NTSR1: variants seen among roughly 807,000 people sequenced by gnomAD.
NTSR1 encodes the protein neurotensin receptor 1.
A neutral mutation model predicts 31.2 loss-of-function variants in NTSR1; 29 were observed. The observed-to-expected ratio is 0.93, with a 90% CI of 0.69 to 1.27. NTSR1 has a LOEUF of 1.27. Among genes scored for constraint, NTSR1 ranks in the 50% most tolerant of loss-of-function variants. The pLI is 0.00. For missense variants in NTSR1, 697 were observed against 595.4 expected, an observed-to-expected ratio of 1.17 and a Z score of -1.78; for synonymous variants, 282 against 269.9, an observed-to-expected ratio of 1.04 and a Z score of -0.44.
chr20:62,756,298 C>T (rs973843942), intron 2 of NTSR1, among the ~76,000 whole-genome samples: 4 of 152,184 alleles, frequency 2.6e-5, no homozygotes, highest in African/African-American at 9.7e-5. Flanking sequence ...GAGCTGCAGG[C>T]GAGGGGATGG....
intron 1 of NTSR1, among the ~76,000 whole-genome samples, chr20:62,724,238 A>G (rs6062463): frequency 0.91 from 138,387 of 151,964 alleles, 63,208 homozygotes; most frequent in East Asian, 1. Context: ...AGCTCTCAGC[A>G]GAGCCCTGGG....
intron 1 of NTSR1, among the ~76,000 whole-genome samples, chr20:62,729,376 C>T (rs533761341): frequency 1.1e-4 from 16 of 152,298 alleles, no homozygotes; most frequent in African/African-American, 3.8e-4. Context: ...GAATTTCTTT[C>T]GTGCATGGAG....
At chr20:62,735,890 C>G (rs1989082857) in intron 1 of NTSR1, among the ~76,000 whole-genome samples, 1 of 152,240 alleles carries the variant, frequency 6.6e-6, no homozygotes, top group African/African-American at 2.4e-5. Context: ...AAGAACAGTT[C>G]CCCTTACCCT....
At chr20:62,753,576 C>T (rs184382291) in intron 1 of NTSR1, among the ~76,000 whole-genome samples, 2 of 152,326 alleles carry the variant, frequency 1.3e-5, no homozygotes, top group East Asian at 1.9e-4. Context: ...ATGAGGATCC[C>T]GGGCAGCTTG....
intron 1 of NTSR1, among the ~76,000 whole-genome samples, chr20:62,753,422 G>A (rs570439704): frequency 1.8e-4 from 27 of 152,306 alleles, no homozygotes; most frequent in African/African-American, 6.0e-4. Flanking sequence ...AGGTTGGGAG[G>A]GAGGTGGCCC....
At chr20:62,755,292 C>T (rs1194666027) in intron 2 of NTSR1, among the ~76,000 whole-genome samples, 3 of 124,654 alleles carry the variant, frequency 2.4e-5, no homozygotes, top group Non-Finnish European at 5.3e-5. Context: ...TCCTTCCCTC[C>T]ATTCATTCCT....
rs532366999 is a variant in NTSR1, at chr20:62,715,322, G to A, written c.714+5401G>A. Among the ~76,000 whole-genome samples, 9 of 152,226 alleles carry A rather than the reference G, an allele frequency of 5.9e-5. No homozygotes were observed. Among genetic ancestry groups the A allele is most frequent in the East Asian group, 1.9e-4 (1 of 5,178 alleles). Reference sequence around the variant, plus strand: ...GCAGGGTGAGGACGTGCAGACATGCGGGTCCACCTCTGTACCCCGTAACCC... The same window carrying A: ...GCAGGGTGAGGACGTGCAGACATGCAGGTCCACCTCTGTACCCCGTAACCC... On this transcript the variant is annotated intron_variant, in intron 1 of 3. Coordinates refer to ENST00000370501, the MANE Select transcript of NTSR1 (RefSeq NM_002531.3). This position sits in a 1 kb window ranked among gnomAD's most constrained non-coding sequence, Gnocchi z 4.7.
Position 62,754,827 on chromosome 20 carries a change from T to G in NTSR1, c.857T>G (p.Phe286Cys), listed in dbSNP as rs1989455110. The G allele has an allele frequency of 1.2e-6, 2 of 1,609,004 alleles. No individual in the cohort carries two copies. The highest frequency in any genetic ancestry group is 2.2e-5 in the South Asian group (2 of 91,080). ...ACGGTCGGGGGCGAGCACAGCACAT[T>G]CAGCATGGCCATCGAGCCTGGCAGG... is the stretch of plus-strand genomic sequence containing the variant. ...VCTVGGEHST[F>C]SMAIEPGRVQ... The change falls in exon 2 of 4, where the codon TTC becomes TGC. Residue 286 changes from phenylalanine to cysteine, a missense_variant. Phe to Cys is a radical substitution (Grantham distance 205). Transcript: ENST00000370501.
Position 62,709,120 on chromosome 20 carries a change from C to A in NTSR1, c.-88C>A. ...ACGCGCCCTCCCCTGGGCTCCCGTT[C>A]ATCGGTCCCCGCCTGAGACGCGCCC... On this transcript the variant is annotated 5_prime_UTR_variant, in exon 1 of 4. Coordinates refer to ENST00000370501, the MANE Select transcript of NTSR1 (RefSeq NM_002531.3). The A allele has an allele frequency of 2.7e-6, 3 of 1,117,958 alleles. No homozygotes were observed. The highest frequency in any genetic ancestry group is 3.5e-6 in the Non-Finnish European group (3 of 848,750). 69.3% of individuals were successfully genotyped at this position (1,117,958 alleles called of 1,614,324 possible).
chr20:62,751,336 G>A (rs1301573626), intron 1 of NTSR1, among the ~76,000 whole-genome samples: 1 of 152,114 alleles, frequency 6.6e-6, no homozygotes, highest in Non-Finnish European at 1.5e-5. Context: ...ATTTTTTTGG[G>A]GTAAGATCTC....
chr20:62,751,723 C>T (rs898874500), intron 1 of NTSR1, among the ~76,000 whole-genome samples: 11 of 152,238 alleles, frequency 7.2e-5, no homozygotes, highest in African/African-American at 2.7e-4. Flanking sequence ...TGTTGATTGG[C>T]CAGGTCTGGG....
chr20:62,758,464 G>A lies in NTSR1; in HGVS notation c.1007+108G>A. On this transcript the variant is annotated intron_variant, in intron 3 of 3. Transcript: ENST00000370501. This position sits in a 1 kb window ranked among gnomAD's most constrained non-coding sequence, Gnocchi z 4.5. Reference sequence around the variant, plus strand: ...GGGGATCCACTCAGGGCAGGGGTGTGGTGAGTCCCCCGGCGACCCCCTGGG... The same window carrying A: ...GGGGATCCACTCAGGGCAGGGGTGTAGTGAGTCCCCCGGCGACCCCCTGGG... 1 of 1,013,648 alleles carries A rather than the reference G, an allele frequency of 9.9e-7. No homozygotes were observed. The highest frequency in any genetic ancestry group is 1.5e-6 in the Non-Finnish European group (1 of 667,376). The allele number at this position is 1,013,648 out of a possible 1,614,324, so 62.8% of individuals were successfully genotyped here. A position where few individuals can be genotyped will look rare whatever the true frequency, so the allele number is the denominator to read the frequency against.
intron 1 of NTSR1, among the ~76,000 whole-genome samples, chr20:62,717,712 C>T (rs980429761): frequency 6.6e-6 from 1 of 152,196 alleles, no homozygotes; most frequent in Middle Eastern, 3.2e-3. Context: ...CTCTTCTGAG[C>T]ATCTGGGCTA....
intron 1 of NTSR1, among the ~76,000 whole-genome samples, chr20:62,716,585 C>T (rs1988725920): frequency 6.6e-6 from 1 of 152,350 alleles, no homozygotes; most frequent in South Asian, 2.1e-4. Context: ...TGGATTTCAG[C>T]GCGTGTTAGT....
chr20:62,755,000 TCAG>T (rs1439031730), intron 2 of NTSR1, 114 bp downstream of exon 2: 1 of 1,084,404 alleles, frequency 9.2e-7, no homozygotes, highest in East Asian at 2.6e-5. Flanking sequence ...GATGGAGCTG[TCAG>T]GCCAAGACCC....
At chr20:62,752,260 G>A (rs939117764) in intron 1 of NTSR1, among the ~76,000 whole-genome samples, 11 of 152,242 alleles carry the variant, frequency 7.2e-5, no homozygotes, top group African/African-American at 1.9e-4. Context: ...GCCGATGGAC[G>A]TGCTCCCTTT....
In NTSR1 at chr20:62,745,000, C is replaced by G. The variant is rs1167569322; in HGVS notation, c.715-9685C>G. On this transcript the variant is annotated intron_variant, in intron 1 of 3. Transcript: ENST00000370501. This position sits in a 1 kb window ranked among gnomAD's most constrained non-coding sequence, Gnocchi z 4.1. ...CATGGAGGCAGCCCCACCTCCAGAC[C>G]ACCACGGCTGTCACAGCAGACACCC... 6.6e-5 allele frequency among the ~76,000 whole-genome samples: 10 copies of G among 152,322 alleles called. No individual in the cohort carries two copies. Among genetic ancestry groups the G allele is most frequent in the African/African-American group, 1.9e-4 (8 of 41,572 alleles).
chr20:62,724,264 C>T (rs986109172), intron 1 of NTSR1, among the ~76,000 whole-genome samples: 1 of 152,222 alleles, frequency 6.6e-6, no homozygotes, highest in Non-Finnish European at 1.5e-5. Flanking sequence ...GGGGCCCCTG[C>T]AACCCCAGAG....
At chr20:62,759,069 GC>G (rs1989564379) in intron 3 of NTSR1, among the ~76,000 whole-genome samples, 1 of 152,334 alleles carries the variant, frequency 6.6e-6, no homozygotes, top group East Asian at 1.9e-4. Context: ...TCCTGAGATG[GC>G]AGCTTGGGGC....
Sources: allele counts gnomAD v4.1 joint callset (sites outside exome capture counted in the v4.1 genomes callset), GRCh38; gene constraint gnomAD v4.1.1; non-coding constraint Gnocchi (gnomAD v3.1); transcripts MANE v1.5; gene names NCBI Gene and HGNC (gene_info 2026-07-23, HGNC 2026-07-21).